Variants in ALKBH5 observed in about 807,000 individuals in gnomAD.
The protein encoded by ALKBH5 is RNA demethylase ALKBH5.
ALKBH5 carries 2 observed loss-of-function variants against 32.1 expected under a neutral mutation model. The ratio of observed to expected loss-of-function variants is 0.06; its 90% confidence interval spans 0.03 to 0.20. The LOEUF is 0.20. Ranked by LOEUF, ALKBH5 falls within the 10% of genes least tolerant of loss-of-function variation. The probability of loss-of-function intolerance (pLI) is 1.00; values close to 1 mark genes in which losing one functional copy is unlikely to be tolerated. For synonymous variants in ALKBH5, 300 were observed against 231.7 expected (o/e 1.29, Z -2.68); for missense variants, 352 against 559.5 (o/e 0.63, Z 3.74).
chr17:18,189,597 C>T (rs1016320388), intron 1 of ALKBH5, among the ~76,000 whole-genome samples: 4 of 152,142 alleles, frequency 2.6e-5, no homozygotes, highest in African/African-American at 9.7e-5. Flanking sequence ...TTCTTCCTAC[C>T]GCCTCCACAA....
Position 18,208,408 on chromosome 17 carries a change from G to A in ALKBH5, c.*12G>A, listed in dbSNP as rs200726921. ...TGCGGCGGCACTGAGTCTACCCGCC[G>A]CCCTCCTGGGAACTCTGGCTCATCC... On this transcript the variant is annotated 3_prime_UTR_variant, in exon 4 of 4. Transcript: ENST00000399138. 4.7e-5 allele frequency: 75 copies of A among 1,610,882 alleles called. 1 individual carries two copies. Among genetic ancestry groups the A allele is most frequent in the Non-Finnish European group, 3.4e-5 (40 of 1,178,904 alleles).
At chr17:18,201,794 A>AGAT (rs1491101824) in intron 2 of ALKBH5, among the ~76,000 whole-genome samples, 135 of 134,476 alleles carry the variant, frequency 1.0e-3, no homozygotes, top group East Asian at 1.7e-3. Context: ...TAGGATAGAT[A>AGAT]AGATAGATAG....
intron 2 of ALKBH5, among the ~76,000 whole-genome samples, chr17:18,199,232 C>A (rs1366249503): frequency 6.6e-6 from 1 of 152,206 alleles, no homozygotes; most frequent in East Asian, 1.9e-4. Flanking sequence ...ATGTTACTGT[C>A]TCCCAGCCGA....
Position 18,209,760 on chromosome 17 carries a change from A to G in ALKBH5, c.*1364A>G, listed in dbSNP as rs2047293823. 1 of 152,582 alleles carries G rather than the reference A, an allele frequency of 6.6e-6. No homozygotes were observed. The highest frequency in any genetic ancestry group is 2.4e-5 in the African/African-American group (1 of 41,454). 9.5% of individuals were successfully genotyped at this position (152,582 alleles called of 1,614,324 possible). A position where few individuals can be genotyped will look rare whatever the true frequency, so the allele number is the denominator to read the frequency against. Reference sequence around the variant, plus strand: ...GCTGCAGAAATCTGGGGCAGCCACCATCAAGAAGCCCCTCTCAGGGGCCAG... The same window carrying G: ...GCTGCAGAAATCTGGGGCAGCCACCGTCAAGAAGCCCCTCTCAGGGGCCAG... On this transcript the variant is annotated 3_prime_UTR_variant, in exon 4 of 4. Transcript: ENST00000399138.
In ALKBH5 at chr17:18,184,494, A is replaced by G. The variant is rs199911950; in HGVS notation, c.251A>G (p.Lys84Arg). Residue 84 changes from lysine to arginine, a missense_variant, in exon 1 of 4, where the codon AAG becomes AGG. Lys to Arg is a conservative substitution (Grantham distance 26). Around this residue, in one of 4 missense-constraint regions of ALKBH5, gnomAD observed 144 missense variants for 125.8 expected, o/e 1.14. Transcript: ENST00000399138. Reference protein sequence around the residue: ...QQLQKEEEARKVKSGIRQMRL... With the variant: ...QQLQKEEEARRVKSGIRQMRL... ...CTGCAGAAGGAGGAGGAGGCGCGCA[A>G]GGTGAAGAGCGGCATCCGCCAGATG... is the stretch of plus-strand genomic sequence containing the variant. The G allele has an allele frequency of 5.6e-6, 9 of 1,613,008 alleles. No homozygotes were observed. In the African/African-American group the frequency reaches 8.0e-5, roughly 14 times the overall value.
At chr17:18,200,029 G>A (rs532352241) in intron 2 of ALKBH5, among the ~76,000 whole-genome samples, 4 of 151,664 alleles carry the variant, frequency 2.6e-5, no homozygotes, top group South Asian at 2.1e-4. Context: ...CCTGGGAGGC[G>A]GAGGTTGCAG....
chr17:18,207,118 TG>T, intron 3 of ALKBH5, 148 bp downstream of exon 3: 1 of 1,117,638 alleles, frequency 8.9e-7, no homozygotes, highest in East Asian at 2.5e-5. Context: ...TTGGTGGCAT[TG>T]GTGACATTCC....
rs779128723 is a variant in ALKBH5, at chr17:18,184,024, G to A, written c.-220G>A. The A allele has an allele frequency of 3.0e-6, 2 of 673,702 alleles. No individual in the cohort carries two copies. Among genetic ancestry groups the A allele is most frequent in the South Asian group, 1.5e-5 (1 of 65,246 alleles). 41.7% of individuals were successfully genotyped at this position (673,702 alleles called of 1,614,324 possible). A position where few individuals can be genotyped will look rare whatever the true frequency, so the allele number is the denominator to read the frequency against. ...CGCGGGACGTGGAGAAGGTGGAGGAGGAAGAAGCCCCGTTGTCGCCACCGT... is the reference window on the plus strand; with the variant it reads ...CGCGGGACGTGGAGAAGGTGGAGGAAGAAGAAGCCCCGTTGTCGCCACCGT... On this transcript the variant is annotated 5_prime_UTR_variant, in exon 1 of 4. Coordinates refer to ENST00000399138, the MANE Select transcript of ALKBH5 (RefSeq NM_017758.4).
At position 18,195,096 on chromosome 17, in the gene ALKBH5, T is replaced by TG; in HGVS notation, c.851+64dup. The stretch of plus-strand genomic sequence containing the variant: ...GCAGGCCTGTCTGGAGATGTAGCTC[T>TG]GGGTCCACTTAGAACTCAGCTCCTA... On this transcript the variant is annotated intron_variant, in intron 2 of 3. Transcript: ENST00000399138. 2.1e-6 allele frequency: 3 copies of TG among 1,458,074 alleles called. No homozygotes were observed. In the South Asian group the frequency reaches 3.5e-5, roughly 17 times the overall value. 90.3% of individuals were successfully genotyped at this position (1,458,074 alleles called of 1,614,324 possible). A position where few individuals can be genotyped will look rare whatever the true frequency, so the allele number is the denominator to read the frequency against.
intron 2 of ALKBH5, among the ~76,000 whole-genome samples, chr17:18,198,764 GA>G (rs559918479): frequency 6.6e-6 from 1 of 152,230 alleles, no homozygotes; most frequent in Non-Finnish European, 1.5e-5. Flanking sequence ...TGGTTGGACA[GA>G]ACGCAGCTTC....
chr17:18,198,824 T>G (rs926325051), intron 2 of ALKBH5, among the ~76,000 whole-genome samples: 14 of 152,198 alleles, frequency 9.2e-5, no homozygotes, highest in African/African-American at 3.1e-4. Context: ...CCCTTGTTTC[T>G]TACGGGGAGG....
chr17:18,201,743 TTAGA>T (rs57485964), intron 2 of ALKBH5, among the ~76,000 whole-genome samples: 22,009 of 129,690 alleles, frequency 0.17, 1,957 homozygotes, highest in African/African-American at 0.23. Flanking sequence ...AGACTCCATC[TTAGA>T]TAGATAGATA....
intron 2 of ALKBH5, among the ~76,000 whole-genome samples, chr17:18,202,326 CAAAA>C (rs968825657): frequency 2.7e-5 from 4 of 149,236 alleles, no homozygotes; most frequent in African/African-American, 4.9e-5. Flanking sequence ...AAACAAAAAA[CAAAA>C]AAAAACAGAA....
chr17:18,189,060 C>G (rs1475529380), intron 1 of ALKBH5, among the ~76,000 whole-genome samples: 1 of 149,242 alleles, frequency 6.7e-6, no homozygotes, highest in African/African-American at 2.5e-5. Flanking sequence ...GAGTGAGACT[C>G]CGTCTCAAAA....
At chr17:18,204,536 C>T (rs11655797) in intron 2 of ALKBH5, among the ~76,000 whole-genome samples, 31,892 of 151,462 alleles carry the variant, frequency 0.21, 3,644 homozygotes, top group Middle Eastern at 0.31. Flanking sequence ...CTGAGATGGG[C>T]AGATCGCTTG....
At chr17:18,189,038 G>A (rs568989873) in intron 1 of ALKBH5, among the ~76,000 whole-genome samples, 19 of 152,094 alleles carry the variant, frequency 1.2e-4, no homozygotes, top group African/African-American at 3.9e-4. Context: ...TTGCGCTCCA[G>A]CCTGTGCTGT....
chr17:18,191,422 G>A lies in ALKBH5; in HGVS notation c.771-3533G>A, dbSNP rs1039107604. Among the ~76,000 whole-genome samples, 6 of 152,308 alleles carry A rather than the reference G, an allele frequency of 3.9e-5. No individual in the cohort carries two copies. In the East Asian group the frequency reaches 5.8e-4, roughly 15 times the overall value. Reference sequence around the variant, plus strand: ...CTAGTTCTTCCAAGGCCTGGGCTCCGTGGCAGGAACCTGACATGGCTTATT... The same window carrying A: ...CTAGTTCTTCCAAGGCCTGGGCTCCATGGCAGGAACCTGACATGGCTTATT... On this transcript the variant is annotated intron_variant, in intron 1 of 3. Coordinates refer to ENST00000399138, the MANE Select transcript of ALKBH5 (RefSeq NM_017758.4).
At chr17:18,204,775 C>T (rs745550605) in intron 2 of ALKBH5, among the ~76,000 whole-genome samples, 21 of 151,514 alleles carry the variant, frequency 1.4e-4, no homozygotes, top group Admixed American at 3.9e-4. Context: ...ATAAAAAGCT[C>T]ATCTGGAGCC....
In ALKBH5 at chr17:18,200,556, G is replaced by T. The variant is rs2047230643; in HGVS notation, c.851+5521G>T. 2.0e-5 allele frequency among the ~76,000 whole-genome samples: 3 copies of T among 152,186 alleles called. No individual in the cohort carries two copies. The South Asian group carries it at 6.2e-4, about 32-fold the overall frequency. On this transcript the variant is annotated intron_variant, in intron 2 of 3. Coordinates refer to ENST00000399138, the MANE Select transcript of ALKBH5 (RefSeq NM_017758.4). Reference sequence around the variant, plus strand: ...CAGCTGGAGATCCCTTTGCCAAGTGGTAACCTAAGCTGGTGTGTGCTAGGC... The same window carrying T: ...CAGCTGGAGATCCCTTTGCCAAGTGTTAACCTAAGCTGGTGTGTGCTAGGC...
Sources: allele counts gnomAD v4.1 joint callset (sites outside exome capture counted in the v4.1 genomes callset), GRCh38; gene constraint gnomAD v4.1.1; regional missense constraint gnomAD v4.1.1; transcripts MANE v1.5; gene names NCBI Gene and HGNC (gene_info 2026-07-23, HGNC 2026-07-21).